The following CNTN4 variants were observed in gnomAD, a reference collection of about 807,000 sequenced individuals.
The protein encoded by CNTN4 is contactin 4.
In CNTN4, 77 loss-of-function variants were observed where a neutral mutation model predicts 122.5. That is an observed-to-expected ratio of 0.63 (90% CI 0.52 to 0.76). The LOEUF (loss-of-function observed/expected upper bound fraction) is 0.76. Among genes scored for constraint, CNTN4 ranks in the 30% least tolerant of loss-of-function variants. CNTN4 has a pLI of 0.00. For synonymous variants in CNTN4, 512 were observed against 447.0 expected (o/e 1.15, Z -1.83); for missense variants, 1,256 against 1,259.1 (o/e 1.00, Z 0.04).
intron 3 of CNTN4, among the ~76,000 whole-genome samples, chr3:2,440,752 G>A (rs1161338041): frequency 6.7e-6 from 1 of 149,876 alleles, no homozygotes; most frequent in Non-Finnish European, 1.5e-5. Flanking sequence ...ATGAATATAT[G>A]TGTGAATATA....
chr3:2,640,904 C>G lies in CNTN4; in HGVS notation c.55+69346C>G, dbSNP rs576432417. Among the ~76,000 whole-genome samples the G allele has an allele frequency of 2.0e-5, 3 of 152,152 alleles. No homozygotes were observed. In the South Asian group the frequency reaches 6.2e-4, roughly 32 times the overall value. On this transcript the variant is annotated intron_variant, in intron 4 of 24. Transcript: ENST00000418658. ...GTGTCACATTTGTCAGGTCACTTTT[C>G]TCTCTGAAGGAGGCAGTATCAGAGT...
intron 3 of CNTN4, among the ~76,000 whole-genome samples, chr3:2,565,794 C>T (rs774144751): frequency 7.2e-5 from 11 of 152,108 alleles, no homozygotes; most frequent in Admixed American, 1.3e-4. Flanking sequence ...TTCTGTTTCC[C>T]GCTTCCTCGC....
chr3:2,421,708 A>T (rs183569544), intron 3 of CNTN4, among the ~76,000 whole-genome samples: 2 of 152,194 alleles, frequency 1.3e-5, no homozygotes, highest in South Asian at 2.1e-4. Flanking sequence ...GTTCATTGAA[A>T]ATAGGGCAAA....
chr3:2,169,344 C>T (rs540573512), intron 2 of CNTN4, among the ~76,000 whole-genome samples: 21 of 152,166 alleles, frequency 1.4e-4, no homozygotes, highest in Admixed American at 6.5e-4. Context: ...AGATGTTTAA[C>T]GCCTTTTGAT....
At chr3:2,941,828 A>G (rs188220478) in intron 13 of CNTN4, among the ~76,000 whole-genome samples, 15 of 152,196 alleles carry the variant, frequency 9.9e-5, no homozygotes, top group Non-Finnish European at 8.8e-5. Context: ...TCCTTGCTGT[A>G]TTATTTTTGT....
chr3:2,796,480 G>T (rs1483220495), intron 6 of CNTN4, among the ~76,000 whole-genome samples: 1 of 151,912 alleles, frequency 6.6e-6, no homozygotes, highest in Non-Finnish European at 1.5e-5. Flanking sequence ...GGTTTTTAAT[G>T]TGCCCTTATT....
At chr3:2,494,207 G>C (rs1257213008) in intron 3 of CNTN4, among the ~76,000 whole-genome samples, 1 of 152,172 alleles carries the variant, frequency 6.6e-6, no homozygotes, top group Non-Finnish European at 1.5e-5. Flanking sequence ...AGTCTCAAGA[G>C]TTCCGGAGAA....
chr3:2,140,270 A>G (rs1446343940), intron 2 of CNTN4, among the ~76,000 whole-genome samples: 1 of 152,112 alleles, frequency 6.6e-6, no homozygotes, highest in East Asian at 1.9e-4. Context: ...TACCCCTTAA[A>G]ATCCTTATTT....
intron 3 of CNTN4, among the ~76,000 whole-genome samples, chr3:2,492,712 A>T (rs572418655): frequency 1.3e-5 from 2 of 152,250 alleles, no homozygotes; most frequent in East Asian, 3.9e-4. Flanking sequence ...GACACTTTGG[A>T]TCCTTCTGTT....
At chr3:2,747,774 G>T (rs1255134962) in intron 6 of CNTN4, among the ~76,000 whole-genome samples, 1 of 152,142 alleles carries the variant, frequency 6.6e-6, no homozygotes, top group Non-Finnish European at 1.5e-5. Flanking sequence ...ATCATCATTT[G>T]GTTTGAAAAA....
chr3:2,804,647 G>A (rs1393212010), intron 6 of CNTN4, among the ~76,000 whole-genome samples: 2 of 152,058 alleles, frequency 1.3e-5, no homozygotes, highest in African/African-American at 4.8e-5. Flanking sequence ...TGTGAGCATT[G>A]CTCTTCTATC....
In CNTN4 at chr3:2,843,686, G is replaced by T. The variant is rs1307096938; in HGVS notation, c.455-23066G>T. The stretch of plus-strand genomic sequence containing the variant: ...CTCTTGCTCCTGCTTTTCACCATGT[G>T]AAGTGCCCGCTCCTGCTTCACCTTC... On this transcript the variant is annotated intron_variant, in intron 7 of 24. Transcript: ENST00000418658. Among the ~76,000 whole-genome samples the T allele has an allele frequency of 2.0e-5, 3 of 152,214 alleles. No homozygotes were observed. The East Asian group carries it at 5.8e-4, about 29-fold the overall frequency.
Position 2,478,740 on chromosome 3 carries a change from A to G in CNTN4, c.-88-92676A>G, listed in dbSNP as rs2075902151. ...AGGATAATGGTCTCCAGCTCCATCC[A>G]TGTCCCTGCAAAGGACATGATCTCA... On this transcript the variant is annotated intron_variant, in intron 3 of 24. Coordinates refer to ENST00000418658, the MANE Select transcript of CNTN4 (RefSeq NM_175607.3). 2.6e-5 allele frequency among the ~76,000 whole-genome samples: 4 copies of G among 152,284 alleles called. No homozygotes were observed. In the South Asian group the frequency reaches 8.3e-4, roughly 32 times the overall value.
intron 3 of CNTN4, among the ~76,000 whole-genome samples, chr3:2,457,206 TG>T (rs1412820086): frequency 8.5e-5 from 13 of 152,168 alleles, no homozygotes; most frequent in Non-Finnish European, 1.9e-4. Flanking sequence ...TCAATTGTTG[TG>T]TTTCCTCTTA....
At chr3:2,457,582 C>T (rs915903913) in intron 3 of CNTN4, among the ~76,000 whole-genome samples, 1 of 152,116 alleles carries the variant, frequency 6.6e-6, no homozygotes, top group African/African-American at 2.4e-5. Flanking sequence ...TGGTTGGGCG[C>T]AGATTCCCAT....
At chr3:2,486,075 TCTCTCCTGAGG>T (rs1276333875) in intron 3 of CNTN4, among the ~76,000 whole-genome samples, 1 of 152,012 alleles carries the variant, frequency 6.6e-6, no homozygotes, top group Non-Finnish European at 1.5e-5. Context: ...GTCTGCAGCT[TCTCTCCTGAGG>T]CCAGCCAGAC....
intron 7 of CNTN4, among the ~76,000 whole-genome samples, chr3:2,823,716 G>C (rs1287968489): frequency 1.3e-5 from 2 of 152,136 alleles, no homozygotes; most frequent in Non-Finnish European, 2.9e-5. Context: ...GAATAGAACA[G>C]AGGAACTTTG....
intron 6 of CNTN4, among the ~76,000 whole-genome samples, chr3:2,752,415 C>T (rs62234585): frequency 0.19 from 28,935 of 152,072 alleles, 2,965 homozygotes; most frequent in East Asian, 0.32. Flanking sequence ...ACCCAGGCTG[C>T]AGTGCAGTGG....
intron 12 of CNTN4, among the ~76,000 whole-genome samples, chr3:2,906,776 A>C (rs2094238843): frequency 6.6e-6 from 1 of 151,514 alleles, no homozygotes; most frequent in African/African-American, 2.4e-5. Context: ...CCCGGGAGAC[A>C]GAGGTTGCAG....
Sources: allele counts gnomAD v4.1 joint callset (sites outside exome capture counted in the v4.1 genomes callset), GRCh38; gene constraint gnomAD v4.1.1; transcripts MANE v1.5; gene names NCBI Gene and HGNC (gene_info 2026-07-23, HGNC 2026-07-21).